ZNF385D: variants seen among roughly 807,000 people sequenced by gnomAD.
The protein encoded by ZNF385D is zinc finger protein 385D, also known as zinc finger protein 659.
ZNF385D carries 15 observed loss-of-function variants against 35.8 expected under a neutral mutation model. The observed-to-expected ratio is 0.42, with a 90% confidence interval of 0.28 to 0.64. ZNF385D has a LOEUF of 0.64. Among genes scored for constraint, ZNF385D ranks in the 30% least tolerant of loss-of-function variants. The pLI, the probability that ZNF385D is intolerant of heterozygous loss-of-function variation, is 0.23. For synonymous variants in ZNF385D, 212 were observed against 186.8 expected (o/e 1.13, Z -1.10); for missense variants, 474 against 494.6 (o/e 0.96, Z 0.39).
At chr3:22,236,893 T>C (rs894822413) in intron 2 of ZNF385D, among the ~76,000 whole-genome samples, 3 of 152,234 alleles carry the variant, frequency 2.0e-5, no homozygotes, top group Non-Finnish European at 2.9e-5. Flanking sequence ...AATAATATTC[T>C]ATTGCATGAA....
chr3:21,595,498 GTATGTAATA>G (rs2064104209), intron 2 of ZNF385D, among the ~76,000 whole-genome samples: 1 of 142,504 alleles, frequency 7.0e-6, no homozygotes, highest in African/African-American at 2.9e-5. Flanking sequence ...TAATATATAT[GTATGTAATA>G]TATACATAGA....
At chr3:21,838,407 G>A (rs995789908) in intron 3 of ZNF385D, among the ~76,000 whole-genome samples, 10 of 152,114 alleles carry the variant, frequency 6.6e-5, no homozygotes, top group Non-Finnish European at 1.5e-4. Flanking sequence ...ACAGCTTCCA[G>A]CACTTCTCAT....
intron 3 of ZNF385D, among the ~76,000 whole-genome samples, chr3:22,153,025 T>C (rs1705345418): frequency 6.6e-6 from 1 of 152,160 alleles, no homozygotes; most frequent in African/African-American, 2.4e-5. Context: ...AATAGGGAGA[T>C]GTTACAAACC....
intron 2 of ZNF385D, among the ~76,000 whole-genome samples, chr3:22,336,198 T>A (rs1259796729): frequency 6.6e-6 from 1 of 152,090 alleles, no homozygotes; most frequent in East Asian, 1.9e-4. Context: ...TAATAAAGAA[T>A]AAAATAAATT....
In ZNF385D at chr3:21,420,885, A is replaced by G; in HGVS notation, c.*329T>C. ...ACAATGTATAGTTGTTTCATAAAGC[A>G]GGACAGACAATGCAGAGGGAAATAG... On this transcript the variant is annotated 3_prime_UTR_variant, in exon 8 of 8. Coordinates refer to ENST00000281523, the MANE Select transcript of ZNF385D (RefSeq NM_024697.3). 1 of 243,894 alleles carries G rather than the reference A, an allele frequency of 4.1e-6. No individual in the cohort carries two copies. Among genetic ancestry groups the G allele is most frequent in the Non-Finnish European group, 8.1e-6 (1 of 124,084 alleles). 15.1% of individuals were successfully genotyped at this position (243,894 alleles called of 1,614,324 possible). A position where few individuals can be genotyped will look rare whatever the true frequency, so the allele number is the denominator to read the frequency against.
At chr3:21,680,767 G>A (rs1173897505) in intron 1 of ZNF385D, among the ~76,000 whole-genome samples, 3 of 152,082 alleles carry the variant, frequency 2.0e-5, no homozygotes, top group African/African-American at 7.2e-5. Flanking sequence ...GTTTATGGCA[G>A]TCTTGCCTAT....
At chr3:22,123,123 T>C (rs1053201283) in intron 3 of ZNF385D, among the ~76,000 whole-genome samples, 6 of 151,868 alleles carry the variant, frequency 4.0e-5, no homozygotes, top group African/African-American at 7.3e-5. Context: ...GATAGATTGT[T>C]GGGAGTGATT....
chr3:22,035,095 C>A (rs1376273970), intron 3 of ZNF385D, among the ~76,000 whole-genome samples: 4 of 152,112 alleles, frequency 2.6e-5, no homozygotes, highest in Non-Finnish European at 5.9e-5. Context: ...AATAAAGTAA[C>A]ATTATCCTAC....
At chr3:21,875,460 C>T (rs1385245335) in intron 3 of ZNF385D, among the ~76,000 whole-genome samples, 1 of 152,054 alleles carries the variant, frequency 6.6e-6, no homozygotes, top group East Asian at 1.9e-4. Flanking sequence ...ATTGCTGCTT[C>T]AGTTTATACC....
intron 3 of ZNF385D, among the ~76,000 whole-genome samples, chr3:21,904,746 G>A (rs532699416): frequency 1.3e-5 from 2 of 152,074 alleles, no homozygotes; most frequent in Admixed American, 6.6e-5. Context: ...GCTAGATTTA[G>A]GGAGAAAGAA....
At chr3:21,596,770 CG>C (rs2125749126) in intron 2 of ZNF385D, among the ~76,000 whole-genome samples, 1 of 151,956 alleles carries the variant, frequency 6.6e-6, no homozygotes, top group East Asian at 1.9e-4. Flanking sequence ...TGAACCAATG[CG>C]GCTGGCCACA....
At chr3:21,647,905 C>T (rs377074579) in intron 2 of ZNF385D, among the ~76,000 whole-genome samples, 4 of 151,970 alleles carry the variant, frequency 2.6e-5, no homozygotes, top group East Asian at 3.9e-4. Flanking sequence ...ATGGTATAAA[C>T]GTCAACCGAT....
intron 3 of ZNF385D, among the ~76,000 whole-genome samples, chr3:21,978,542 G>C (rs1215293037): frequency 1.3e-5 from 2 of 152,212 alleles, no homozygotes; most frequent in Non-Finnish European, 2.9e-5. Context: ...GAGCTTAGAA[G>C]TTTGTCTGTG....
chr3:21,456,438 G>C (rs1030627791), intron 4 of ZNF385D, among the ~76,000 whole-genome samples: 13 of 152,074 alleles, frequency 8.5e-5, no homozygotes, highest in Admixed American at 2.6e-4. Flanking sequence ...CCTTTGTAGG[G>C]ACATGGATGA....
At chr3:21,462,322 T>G (rs1051144280) in intron 4 of ZNF385D, among the ~76,000 whole-genome samples, 1 of 152,166 alleles carries the variant, frequency 6.6e-6, no homozygotes, top group Non-Finnish European at 1.5e-5. Flanking sequence ...TTAATAAGTA[T>G]GCAGTGAGTA....
intron 2 of ZNF385D, among the ~76,000 whole-genome samples, chr3:22,183,399 G>A (rs1695414040): frequency 6.6e-6 from 1 of 152,002 alleles, no homozygotes. Flanking sequence ...CGCCCAGGCT[G>A]GAGTGCAGTG....
chr3:21,488,125 C>G (rs1424736824), intron 4 of ZNF385D, among the ~76,000 whole-genome samples: 1 of 151,718 alleles, frequency 6.6e-6, no homozygotes, highest in Non-Finnish European at 1.5e-5. Context: ...TTTTTTTTAA[C>G]TATTTGAAAC....
Position 21,870,279 on chromosome 3 carries a change from G to T in ZNF385D, c.326-205251C>A, listed in dbSNP as rs547477202. Among the ~76,000 whole-genome samples, 3 of 152,232 alleles carry T rather than the reference G, an allele frequency of 2.0e-5. No homozygotes were observed. The East Asian group carries it at 5.8e-4, about 29-fold the overall frequency. ...AATTTAAAACATCCAGGCATTCAAG[G>T]CAGGGAATACAGAGATTGAGCAGTT... On this transcript the variant is annotated intron_variant, in intron 3 of 5. Coordinates refer to the ZNF385D transcript ENST00000494108.
intron 4 of ZNF385D, among the ~76,000 whole-genome samples, chr3:21,440,871 A>G (rs1701823388): frequency 6.6e-6 from 1 of 152,194 alleles, no homozygotes; most frequent in Admixed American, 6.6e-5. Context: ...ATTTTTAGAT[A>G]GAGAAGTTTC....
Sources: gnomAD v4.1 joint callset for allele counts (sites outside exome capture counted in the v4.1 genomes callset) on GRCh38, gnomAD v4.1.1 for gene constraint, MANE v1.5 for transcripts, NCBI Gene and HGNC (gene_info 2026-07-23, HGNC 2026-07-21) for gene names.